Variants in PTPRN2 observed in about 807,000 individuals in gnomAD.
PTPRN2 encodes protein tyrosine phosphatase receptor type N2, also known as receptor-type tyrosine-protein phosphatase N2.
PTPRN2 carries 74 observed loss-of-function variants against 118.8 expected under a neutral mutation model. The ratio of observed to expected loss-of-function variants is 0.62; its 90% CI spans 0.52 to 0.76. The LOEUF is 0.76. PTPRN2 is among the 30% of genes least tolerant of loss of function. The probability of loss-of-function intolerance (pLI) is 0.00; values close to 1 mark genes in which losing one functional copy is unlikely to be tolerated. For missense variants in PTPRN2, 1,481 were observed against 1,394.4 expected (o/e 1.06, Z -0.99); for synonymous variants, 641 against 608.0 (o/e 1.05, Z -0.80).
At chr7:158,184,513 G>A (rs183604132) in intron 5 of PTPRN2, among the ~76,000 whole-genome samples, 9 of 152,232 alleles carry the variant, frequency 5.9e-5, no homozygotes, top group African/African-American at 2.2e-4. Context: ...TTTGACAAAG[G>A]TTATGTAATC....
chr7:158,379,653 C>T (rs538305011), intron 2 of PTPRN2, among the ~76,000 whole-genome samples: 20 of 152,146 alleles, frequency 1.3e-4, no homozygotes, highest in African/African-American at 4.3e-4. Context: ...ACAGGTGGGG[C>T]GGGGTTCCTA....
intron 2 of PTPRN2, among the ~76,000 whole-genome samples, chr7:158,339,798 A>G (rs1426608067): frequency 3.6e-3 from 137 of 37,608 alleles, no homozygotes; most frequent in South Asian, 7.2e-3. Flanking sequence ...CACCATAAGA[A>G]GTGACACCTG....
intron 2 of PTPRN2, among the ~76,000 whole-genome samples, chr7:158,447,807 G>C (rs1442553296): frequency 6.6e-6 from 1 of 152,256 alleles, no homozygotes; most frequent in Non-Finnish European, 1.5e-5. Context: ...AGCACCAGCA[G>C]AGCCGAGAGC....
At chr7:158,244,582 G>A (rs1020524219) in intron 3 of PTPRN2, among the ~76,000 whole-genome samples, 1 of 152,090 alleles carries the variant, frequency 6.6e-6, no homozygotes, top group Non-Finnish European at 1.5e-5. Context: ...GAGTGTGTGA[G>A]CGTGAGTTTT....
intron 17 of PTPRN2, among the ~76,000 whole-genome samples, chr7:157,578,529 AAACGTTTT>A: frequency 6.6e-6 from 1 of 152,188 alleles, no homozygotes; most frequent in African/African-American, 2.4e-5. Context: ...TCACCTAGAG[AAACGTTTT>A]GCTTCGTGAA....
rs1800147451 is a variant in PTPRN2, at chr7:157,578,002, G to T, written c.2616+19C>A. 6.3e-7 allele frequency: 1 copy of T among 1,595,158 alleles called. No homozygotes were observed. The highest frequency in any genetic ancestry group is 1.3e-5 in the African/African-American group (1 of 74,624). On this transcript the variant is annotated intron_variant, in intron 18 of 22. Coordinates refer to ENST00000389418, the MANE Select transcript of PTPRN2 (RefSeq NM_002847.5). ...GTCCGGCTGGTGGGTCCTGCCCTGG[G>T]TGGCTCTGGTCGGAGTACCTCATAG...
chr7:158,423,861 C>A (rs532070926), intron 2 of PTPRN2, among the ~76,000 whole-genome samples: 1 of 152,166 alleles, frequency 6.6e-6, no homozygotes, highest in Non-Finnish European at 1.5e-5. Context: ...AGTCCCTTTA[C>A]GGCCAACACT....
chr7:157,913,230 T>TG (rs1798197176), intron 11 of PTPRN2, among the ~76,000 whole-genome samples: 2 of 152,240 alleles, frequency 1.3e-5, no homozygotes, highest in Non-Finnish European at 2.9e-5. Flanking sequence ...TTTTCCTAAA[T>TG]ATACAAATAC....
chr7:158,431,304 G>A (rs1378284977), intron 2 of PTPRN2, among the ~76,000 whole-genome samples: 1 of 147,870 alleles, frequency 6.8e-6, no homozygotes, highest in African/African-American at 2.5e-5. Context: ...CACACACCAG[G>A]CTTACACTGG....
rs368781035 is a variant in PTPRN2, at chr7:158,534,804, G to A, written c.113-45019C>T. Among the ~76,000 whole-genome samples, 88 of 150,002 alleles carry A rather than the reference G, an allele frequency of 5.9e-4. 1 individual carries two copies. The highest frequency in any genetic ancestry group is 1.8e-3 in the African/African-American group (75 of 41,158). ...GTTTCTTGGCTCCAGGCAGCTCATC[G>A]ACAGATAACATCCTGCTAGATCAGC... On this transcript the variant is annotated intron_variant, in intron 1 of 22. Coordinates refer to ENST00000389418, the MANE Select transcript of PTPRN2 (RefSeq NM_002847.5).
In PTPRN2 at chr7:157,780,361, A is replaced by G. The variant is rs979387443; in HGVS notation, c.1789-97424T>C. On this transcript the variant is annotated intron_variant, in intron 12 of 22. Transcript: ENST00000389418. This position sits in a 1 kb window ranked among gnomAD's most constrained non-coding sequence, Gnocchi z 4.5. ...TTAGGTGACGTCGAAGCATCCAGCCATATCTGTCAGTTTATATAAGGGGTG... is the reference window on the plus strand; with the variant it reads ...TTAGGTGACGTCGAAGCATCCAGCCGTATCTGTCAGTTTATATAAGGGGTG... Among the ~76,000 whole-genome samples, 4 of 152,080 alleles carry G rather than the reference A, an allele frequency of 2.6e-5. No individual in the cohort carries two copies. The highest frequency in any genetic ancestry group is 9.7e-5 in the African/African-American group (4 of 41,424).
intron 3 of PTPRN2, among the ~76,000 whole-genome samples, chr7:158,256,393 C>G (rs535835514): frequency 2.2e-4 from 33 of 152,320 alleles, no homozygotes; most frequent in African/African-American, 6.7e-4. Context: ...CACGTGCACC[C>G]TTGGAGCAAG....
At chr7:157,693,457 G>A (rs1797618115) in intron 12 of PTPRN2, among the ~76,000 whole-genome samples, 1 of 152,134 alleles carries the variant, frequency 6.6e-6, no homozygotes, top group African/African-American at 2.4e-5. Flanking sequence ...CAGGCCCCGG[G>A]ATCGGCCGCT....
In PTPRN2 at chr7:157,808,336, G is replaced by A. The variant is rs1045715993; in HGVS notation, c.1788+90337C>T. 3.9e-5 allele frequency among the ~76,000 whole-genome samples: 6 copies of A among 152,256 alleles called. No homozygotes were observed. Among genetic ancestry groups the A allele is most frequent in the African/African-American group, 1.4e-4 (6 of 41,536 alleles). On this transcript the variant is annotated intron_variant, in intron 12 of 22. Transcript: ENST00000389418. This position sits in a 1 kb window ranked among gnomAD's most constrained non-coding sequence, Gnocchi z 5.0. Reference sequence around the variant, plus strand: ...GTACGTGAGTGGCAGGTAAGCGGGTGAGTGGCGGGTGAGTGAGCGAGTGAA... The same window carrying A: ...GTACGTGAGTGGCAGGTAAGCGGGTAAGTGGCGGGTGAGTGAGCGAGTGAA...
At chr7:158,420,297 C>T (rs1815141849) in intron 2 of PTPRN2, among the ~76,000 whole-genome samples, 1 of 152,196 alleles carries the variant, frequency 6.6e-6, no homozygotes, top group Non-Finnish European at 1.5e-5. Context: ...CAGCCAACAC[C>T]ACAGGCACAG....
At position 158,587,566 on chromosome 7, in the gene PTPRN2, C is replaced by G. The variant is rs777546174; in HGVS notation, c.104G>C (p.Gly35Ala). The change falls in exon 1 of 23, where the codon GGG becomes GCG. Residue 35 changes from glycine (G) to alanine (A), a missense_variant. By Grantham distance (60) the Gly-to-Ala change is moderately conservative. Around this residue, in one of 3 missense-constraint regions of PTPRN2, gnomAD observed 1,115 missense variants for 994.2 expected, o/e 1.12. Transcript: ENST00000389418. ...SSVPRGRQLPGRLGCLLEEGL... is the reference protein window; with the variant it reads ...SSVPRGRQLPARLGCLLEEGL... ...CGGCGCCCCCCACTCACCCAGACGCCCCGGGAGCTGCCGGCCGCGGGGGAC... is the reference window on the plus strand; with the variant it reads ...CGGCGCCCCCCACTCACCCAGACGCGCCGGGAGCTGCCGGCCGCGGGGGAC... The G allele has an allele frequency of 2.2e-6, 3 of 1,338,134 alleles. No individual in the cohort carries two copies. In the East Asian group the frequency reaches 9.2e-5, roughly 41 times the overall value. The allele number at this position is 1,338,134 out of a possible 1,614,324, so 82.9% of individuals were successfully genotyped here.
chr7:157,615,176 T>C lies in PTPRN2; in HGVS notation c.2344+6186A>G, dbSNP rs568755846. On this transcript the variant is annotated intron_variant, in intron 15 of 22. Transcript: ENST00000389418. This position sits in a 1 kb window ranked among gnomAD's most constrained non-coding sequence, Gnocchi z 4.3. ...GGCTGGCCAGCGTGGGTGGTGGGTG[T>C]GCAGGCGATGCCACGCTACCCCTTC... 6.6e-6 allele frequency among the ~76,000 whole-genome samples: 1 copy of C among 152,330 alleles called. No individual in the cohort carries two copies. The highest frequency in any genetic ancestry group is 6.5e-5 in the Admixed American group (1 of 15,310).
intron 2 of PTPRN2, among the ~76,000 whole-genome samples, chr7:158,354,554 T>C (rs1808243995): frequency 6.6e-6 from 1 of 151,848 alleles, no homozygotes; most frequent in Non-Finnish European, 1.5e-5. Context: ...TTTAGCGAAA[T>C]GAGGAAATTC....
rs1348526273 is a variant in PTPRN2, at chr7:157,657,323, A to T, written c.2002-772T>A. 2.3e-5 allele frequency among the ~76,000 whole-genome samples: 3 copies of T among 128,594 alleles called. No individual in the cohort carries two copies. In the South Asian group the frequency reaches 8.0e-4, roughly 34 times the overall value. The allele number at this position is 128,594 out of a possible 152,430, so 84.4% of individuals were successfully genotyped here. On this transcript the variant is annotated intron_variant, in intron 13 of 22. Transcript: ENST00000389418. Reference sequence around the variant, plus strand: ...TATACACACACACACCACACACATCACACATATACACACACATACACCACA... The same window carrying T: ...TATACACACACACACCACACACATCTCACATATACACACACATACACCACA...
Sources: allele counts gnomAD v4.1 joint callset (sites outside exome capture counted in the v4.1 genomes callset), GRCh38; gene constraint gnomAD v4.1.1; regional missense constraint gnomAD v4.1.1; non-coding constraint Gnocchi (gnomAD v3.1); transcripts MANE v1.5; gene names NCBI Gene and HGNC (gene_info 2026-07-23, HGNC 2026-07-21).